BMPR2: variants seen among roughly 807,000 people sequenced by gnomAD.
The protein encoded by BMPR2 is bone morphogenetic protein receptor type 2, also known as bone morphogenetic protein receptor type-2.
BMPR2 carries 29 observed loss-of-function variants against 100.8 expected under a neutral mutation model. The ratio of observed to expected loss-of-function variants is 0.29; its 90% CI spans 0.21 to 0.39. The LOEUF is 0.39. Among genes scored for constraint, BMPR2 ranks in the 10% least tolerant of loss-of-function variants. The pLI, the probability that BMPR2 is intolerant of heterozygous loss-of-function variation, is 1.00. For synonymous variants in BMPR2, 382 were observed against 442.3 expected, an observed-to-expected ratio of 0.86 and a Z score of 1.71; for missense variants, 1,011 against 1,274.5, an observed-to-expected ratio of 0.79 and a Z score of 3.15.
Position 202,379,384 on chromosome 2 carries a change from C to T in BMPR2, c.76+1834C>T, listed in dbSNP as rs576649580. On this transcript the variant is annotated intron_variant, in intron 1 of 12. Coordinates refer to ENST00000374580, the MANE Select transcript of BMPR2 (RefSeq NM_001204.7). The stretch of plus-strand genomic sequence containing the variant: ...ACCACACAGTCAGTAAATTATGGAG[C>T]CAGGATTATAGTGTGCGCCCTCACA... Among the ~76,000 whole-genome samples the T allele has an allele frequency of 2.6e-5, 4 of 152,202 alleles. No individual in the cohort carries two copies. In the East Asian group the frequency reaches 7.7e-4, roughly 29 times the overall value.
chr2:202,401,051 A>G (rs1690761180), intron 1 of BMPR2, among the ~76,000 whole-genome samples: 1 of 152,366 alleles, frequency 6.6e-6, no homozygotes, highest in East Asian at 1.9e-4. Flanking sequence ...TAAAATGGAA[A>G]GAATATTTTA....
At chr2:202,497,065 CG>C (rs1336862490) in intron 3 of BMPR2, among the ~76,000 whole-genome samples, 2 of 152,220 alleles carry the variant, frequency 1.3e-5, no homozygotes, top group Admixed American at 1.3e-4. Context: ...CCAGCGGCTG[CG>C]GGGGGTGCAC....
At chr2:202,538,719 G>A (rs1041829056) in intron 9 of BMPR2, among the ~76,000 whole-genome samples, 7 of 151,310 alleles carry the variant, frequency 4.6e-5, no homozygotes, top group African/African-American at 7.3e-5. Context: ...GCTTGAACCC[G>A]GGACGCAGAG....
intron 1 of BMPR2, among the ~76,000 whole-genome samples, chr2:202,386,667 A>G (rs1347774617): frequency 6.6e-6 from 1 of 150,906 alleles, no homozygotes; most frequent in African/African-American, 2.4e-5. Flanking sequence ...TAGTAGCCTG[A>G]GTGACCCTTT....
At chr2:202,458,722 C>T (rs1457531484) in intron 1 of BMPR2, among the ~76,000 whole-genome samples, 1 of 152,014 alleles carries the variant, frequency 6.6e-6, no homozygotes, top group Non-Finnish European at 1.5e-5. Context: ...ATTCTCTAAC[C>T]CAATTTTCTT....
In BMPR2 at chr2:202,408,295, A is replaced by G. The variant is rs529070665; in HGVS notation, c.76+30745A>G. Among the ~76,000 whole-genome samples the G allele has an allele frequency of 2.0e-5, 3 of 152,344 alleles. No individual in the cohort carries two copies. In the East Asian group the frequency reaches 5.8e-4, roughly 29 times the overall value. On this transcript the variant is annotated intron_variant, in intron 1 of 12. Coordinates refer to ENST00000374580, the MANE Select transcript of BMPR2 (RefSeq NM_001204.7). The stretch of plus-strand genomic sequence containing the variant: ...TTTACTTTTGCAGTTTTAGGTGGCA[A>G]AATAATTTCATATTCTTATTTCCTC...
At position 202,408,737 on chromosome 2, in the gene BMPR2, C is replaced by T. The variant is rs550317813; in HGVS notation, c.76+31187C>T. On this transcript the variant is annotated intron_variant, in intron 1 of 12. Coordinates refer to ENST00000374580, the MANE Select transcript of BMPR2 (RefSeq NM_001204.7). ...GATTTGAAAGAAGCAGGAAATAGGG[C>T]GTAGGACCTACAAGGAAACAGGAAG... Among the ~76,000 whole-genome samples the T allele has an allele frequency of 4.6e-5, 7 of 152,262 alleles. No homozygotes were observed. In the South Asian group the frequency reaches 6.2e-4, roughly 14 times the overall value.
In BMPR2 at chr2:202,445,013, C is replaced by G. The variant is rs367656495; in HGVS notation, c.77-19796C>G. The stretch of plus-strand genomic sequence containing the variant: ...ATATTGGTCAGGCTGGTCTCGAACT[C>G]CCGACATCAGGTGATCCACCTGCCT... On this transcript the variant is annotated intron_variant, in intron 1 of 12. Transcript: ENST00000374580. Among the ~76,000 whole-genome samples, 88 of 150,254 alleles carry G rather than the reference C, an allele frequency of 5.9e-4. 2 individuals carry two copies. Among genetic ancestry groups the G allele is most frequent in the Middle Eastern group, 6.8e-3 (2 of 294 alleles).
chr2:202,474,442 CAGAA>C (rs1231811794), intron 3 of BMPR2, among the ~76,000 whole-genome samples: 5 of 152,022 alleles, frequency 3.3e-5, no homozygotes, highest in African/African-American at 9.7e-5. Context: ...GCCTGGGCAA[CAGAA>C]AGAGATTCCG....
chr2:202,479,095 G>A (rs35481804), intron 3 of BMPR2, among the ~76,000 whole-genome samples: 1 of 152,258 alleles, frequency 6.6e-6, no homozygotes, highest in South Asian at 2.1e-4. Context: ...TAACAAATTA[G>A]ACAAAAGTGA....
chr2:202,547,012 C>G (rs1395357259), intron 10 of BMPR2, among the ~76,000 whole-genome samples: 1 of 152,122 alleles, frequency 6.6e-6, no homozygotes, highest in Non-Finnish European at 1.5e-5. Context: ...AAGCAATCCT[C>G]CCACCTCGGC....
chr2:202,459,524 G>A (rs1574460236), intron 1 of BMPR2, among the ~76,000 whole-genome samples: 1 of 152,066 alleles, frequency 6.6e-6, no homozygotes, highest in African/African-American at 2.4e-5. Flanking sequence ...AGTGTGTGGG[G>A]TTCCCCTCTA....
chr2:202,468,720 T>C lies in BMPR2; in HGVS notation c.418+1031T>C, dbSNP rs946662217. ...TGAAATATACTATGGTACATACATG[T>C]AATGGAGTACCAACTATACAGCTAT... On this transcript the variant is annotated intron_variant, in intron 3 of 12. Transcript: ENST00000374580. 2.0e-5 allele frequency among the ~76,000 whole-genome samples: 3 copies of C among 152,282 alleles called. No individual in the cohort carries two copies. In the East Asian group the frequency reaches 5.8e-4, roughly 29 times the overall value.
chr2:202,482,809 G>A (rs1692686698), intron 3 of BMPR2, among the ~76,000 whole-genome samples: 1 of 152,128 alleles, frequency 6.6e-6, no homozygotes. Context: ...AAAGTGCTGG[G>A]ATTACAGGCA....
At chr2:202,377,613 G>A (rs1010539651) in intron 1 of BMPR2, 63 bp downstream of exon 1, 1 of 1,575,978 alleles carries the variant, frequency 6.3e-7, no homozygotes, top group Admixed American at 1.7e-5. Flanking sequence ...GAGGGAGCCC[G>A]CAGAGGCCGA....
chr2:202,456,258 G>A (rs1692100788), intron 1 of BMPR2, among the ~76,000 whole-genome samples: 1 of 150,576 alleles, frequency 6.6e-6, no homozygotes, highest in African/African-American at 2.4e-5. Context: ...TGCAACCTCC[G>A]CCTCCCGAGT....
In BMPR2 at chr2:202,532,814, CT is replaced by C. The variant is rs1283486145; in HGVS notation, c.1276+86del. The C allele has an allele frequency of 2.1e-6, 3 of 1,449,044 alleles. No homozygotes were observed. The Admixed American group carries it at 5.4e-5, about 26-fold the overall frequency. 89.8% of individuals were successfully genotyped at this position (1,449,044 alleles called of 1,614,324 possible). A position where few individuals can be genotyped will look rare whatever the true frequency, so the allele number is the denominator to read the frequency against. ...TCTCTACCTATAGTACCTAACTCAA[CT>C]TTTATGTAAGAATCTTTTTACTTTC... On this transcript the variant is annotated intron_variant, in intron 9 of 12. Coordinates refer to ENST00000374580, the MANE Select transcript of BMPR2 (RefSeq NM_001204.7). This position sits in a 1 kb window ranked among gnomAD's most constrained non-coding sequence, Gnocchi z 4.1.
At chr2:202,504,588 G>T (rs1687481275) in intron 3 of BMPR2, among the ~76,000 whole-genome samples, 1 of 151,944 alleles carries the variant, frequency 6.6e-6, no homozygotes, top group African/African-American at 2.4e-5. Flanking sequence ...TGAAGTCAGT[G>T]AGACCAAGAA....
intron 3 of BMPR2, among the ~76,000 whole-genome samples, chr2:202,498,755 C>T (rs1293824204): frequency 6.6e-6 from 1 of 152,102 alleles, no homozygotes; most frequent in African/African-American, 2.4e-5. Flanking sequence ...GGCTTGGCCC[C>T]AATATTCTCT....
Sources: allele counts gnomAD v4.1 joint callset (sites outside exome capture counted in the v4.1 genomes callset), GRCh38; gene constraint gnomAD v4.1.1; non-coding constraint Gnocchi (gnomAD v3.1); transcripts MANE v1.5; gene names NCBI Gene and HGNC (gene_info 2026-07-23, HGNC 2026-07-21).